ZNF397: variants seen among roughly 807,000 people sequenced by gnomAD.
ZNF397 encodes zinc finger protein 397.
ZNF397 carries 38 observed loss-of-function variants against 50.6 expected under a neutral mutation model. The ratio of observed to expected loss-of-function variants is 0.75; its 90% CI spans 0.58 to 0.98. The LOEUF (loss-of-function observed/expected upper bound fraction) is 0.98. ZNF397 is among the 50% of genes least tolerant of loss of function. The pLI is 0.00. For synonymous variants in ZNF397, 228 were observed against 215.2 expected (o/e 1.06, Z -0.52); for missense variants, 624 against 624.1 (o/e 1.00, Z 0.00).
In ZNF397 at chr18:35,242,836, G is replaced by C; in HGVS notation, c.366G>C (p.Val122=). ...QHNPESGEEA[V]TLLEDLEREF... is the part of the protein sequence containing the mutation. ...ATCCAGAAAGCGGCGAGGAAGCTGT[G>C]ACCCTGTTGGAGGATTTAGAGAGGG... The change falls in exon 2 of 4, where the codon GTG becomes GTC. Residue 122 remains valine (V), a synonymous_variant. Coordinates refer to ENST00000330501, the MANE Select transcript of ZNF397 (RefSeq NM_001135178.3). 6.2e-7 allele frequency: 1 copy of C among 1,613,918 alleles called. No homozygotes were observed. Among genetic ancestry groups the C allele is most frequent in the Non-Finnish European group, 8.5e-7 (1 of 1,179,884 alleles).
chr18:35,255,412 T>C lies in ZNF397; in HGVS notation c.817+1010T>C, dbSNP rs1401230041. Reference sequence around the variant, plus strand: ...AAAAGCCCTCTAAATGTATATGCATTTTACATATCAGGAAACTGAGGCTCA... The same window carrying C: ...AAAAGCCCTCTAAATGTATATGCATCTTACATATCAGGAAACTGAGGCTCA... On this transcript the variant is annotated intron_variant, in intron 5 of 5. Coordinates refer to the ZNF397 transcript ENST00000261333. Among the ~76,000 whole-genome samples the C allele has an allele frequency of 8.5e-5, 13 of 152,078 alleles. No individual in the cohort carries two copies. In the South Asian group the frequency reaches 2.7e-3, roughly 32 times the overall value.
At chr18:35,245,136 G>GA (rs557723421) in intron 3 of ZNF397, 126 bp from the exon 4 acceptor site, 64 of 1,292,796 alleles carry the variant, frequency 5.0e-5, no homozygotes, top group Admixed American at 1.6e-4. Flanking sequence ...TTGGCCAGTT[G>GA]AAAAAAAAGA....
downstream of ZNF397, chr18:35,254,238 C>A: frequency 1.2e-6 from 2 of 1,614,122 alleles, no homozygotes; most frequent in Non-Finnish European, 1.7e-6. Context: ...TTAGAGTTGT[C>A]CAGACCTCCC....
intron 5 of ZNF397, chr18:35,257,383 A>C (rs947055753): frequency 1.3e-5 from 2 of 152,884 alleles, no homozygotes; most frequent in African/African-American, 4.8e-5. Context: ...TCATATGTTG[A>C]AGTCCTAACC....
chr18:35,242,066 A>G (rs1216105070), intron 1 of ZNF397, among the ~76,000 whole-genome samples: 2 of 152,230 alleles, frequency 1.3e-5, no homozygotes, highest in African/African-American at 2.4e-5. Flanking sequence ...CATACATGTT[A>G]AAGATAGACT....
chr18:35,254,682 G>C (rs550150650), downstream of ZNF397: 19 of 461,564 alleles, frequency 4.1e-5, no homozygotes, highest in South Asian at 4.0e-4. Context: ...AGGAAGCTAG[G>C]AGACAATCTT....
Position 35,248,135 on chromosome 18 carries a change from A to G in ZNF397, c.*1825A>G, listed in dbSNP as rs2143614005. ...TGTTGTACAGGTTAACCAGCAACAC[A>G]AAGACATATTCAAAAGACCTAATAG... On this transcript the variant is annotated 3_prime_UTR_variant, in exon 4 of 4. Coordinates refer to ENST00000330501, the MANE Select transcript of ZNF397 (RefSeq NM_001135178.3). 1 of 152,372 alleles carries G rather than the reference A, an allele frequency of 6.6e-6. No homozygotes were observed. Among genetic ancestry groups the G allele is most frequent in the Admixed American group, 6.5e-5 (1 of 15,306 alleles). 9.4% of individuals were successfully genotyped at this position (152,372 alleles called of 1,614,324 possible).
intron 3 of ZNF397, chr18:35,244,060 A>C (rs1301985808): frequency 1.3e-5 from 2 of 155,134 alleles, no homozygotes; most frequent in African/African-American, 2.4e-5. Flanking sequence ...TCATGTAAGG[A>C]AGGCAAGAGT....
Position 35,245,254 on chromosome 18 carries a change from T to C in ZNF397, c.557-8T>C, listed in dbSNP as rs1165314862. Reference sequence around the variant, plus strand: ...TAATATCTGTTTTTTTGCTACTTATTGTTTCAGATTGTGAGAACAGTGAAA... The same window carrying C: ...TAATATCTGTTTTTTTGCTACTTATCGTTTCAGATTGTGAGAACAGTGAAA... On this transcript the variant is annotated splice_region_variant and splice_polypyrimidine_tract_variant and intron_variant, in intron 3 of 3. Coordinates refer to ENST00000330501, the MANE Select transcript of ZNF397 (RefSeq NM_001135178.3). 17 of 1,574,310 alleles carry C rather than the reference T, an allele frequency of 1.1e-5. No individual in the cohort carries two copies. The highest frequency in any genetic ancestry group is 1.5e-5 in the Non-Finnish European group (17 of 1,159,850).
Position 35,246,647 on chromosome 18 carries a change from T to A in ZNF397, c.*337T>A. 1 of 1,049,572 alleles carries A rather than the reference T, an allele frequency of 9.5e-7. No individual in the cohort carries two copies. Among genetic ancestry groups the A allele is most frequent in the Non-Finnish European group, 1.1e-6 (1 of 870,252 alleles). The allele number at this position is 1,049,572 out of a possible 1,614,324, so 65.0% of individuals were successfully genotyped here. On this transcript the variant is annotated 3_prime_UTR_variant, in exon 4 of 4. Transcript: ENST00000330501. ...CCCAGGCTCTGTCACTGCATCTGAT[T>A]GTTAGTGTGCCAGGTTATGGGGCTG... is the stretch of plus-strand genomic sequence containing the variant.
intron 2 of ZNF397, 68 bp downstream of exon 2, chr18:35,242,952 A>G (rs573426145): frequency 1.3e-6 from 2 of 1,530,636 alleles, no homozygotes; most frequent in African/African-American, 1.4e-5. Flanking sequence ...GTATCATAAC[A>G]GTAGGATAAA....
At chr18:35,255,379 A>G (rs2043768287) in intron 5 of ZNF397, among the ~76,000 whole-genome samples, 4 of 152,008 alleles carry the variant, frequency 2.6e-5, no homozygotes, top group Admixed American at 2.0e-4. Context: ...TGAAAAATAC[A>G]TCTTCCCAAA....
chr18:35,253,830 T>C (rs1210799007), downstream of ZNF397: 1 of 1,614,228 alleles, frequency 6.2e-7, no homozygotes, highest in Middle Eastern at 1.7e-4. Flanking sequence ...AGCTCTGAAC[T>C]GCCCCTGAAG....
In ZNF397 at chr18:35,247,501, A is replaced by G. The variant is rs919363218; in HGVS notation, c.*1191A>G. 6.6e-6 allele frequency: 1 copy of G among 152,156 alleles called. No homozygotes were observed. Among genetic ancestry groups the G allele is most frequent in the Non-Finnish European group, 1.5e-5 (1 of 68,048 alleles). The allele number at this position is 152,156 out of a possible 1,614,324, so 9.4% of individuals were successfully genotyped here. ...CCAACGCTCTGGATCAGAAGCTGCC[A>G]TATCATTTGTTTCTGGGGCTATACG... On this transcript the variant is annotated 3_prime_UTR_variant, in exon 4 of 4. Transcript: ENST00000330501.
rs564674918 is a variant in ZNF397 at position 35,255,287 on chromosome 18, A to G, written c.817+885A>G. ...AACAGAAGGCTACTAGAGATGGGGCATATTATGTCAGCCATCTACTAGTTA... is the reference window on the plus strand; with the variant it reads ...AACAGAAGGCTACTAGAGATGGGGCGTATTATGTCAGCCATCTACTAGTTA... On this transcript the variant is annotated intron_variant, in intron 5 of 5. Transcript: ENST00000261333. Among the ~76,000 whole-genome samples, 56 of 151,694 alleles carry G rather than the reference A, an allele frequency of 3.7e-4. 1 individual carries two copies. Among genetic ancestry groups the G allele is most frequent in the African/African-American group, 1.4e-3 (56 of 41,468 alleles).
Position 35,242,794 on chromosome 18 carries a change from C to T in ZNF397, c.324C>T (p.Ile108=), listed in dbSNP as rs1244944368. ...FLSILPEELQ[I]WVQQHNPESG... Reference sequence around the variant, plus strand: ...GCATTCTGCCTGAGGAGCTGCAGATCTGGGTTCAGCAACATAATCCAGAAA... The same window carrying T: ...GCATTCTGCCTGAGGAGCTGCAGATTTGGGTTCAGCAACATAATCCAGAAA... Residue 108 remains isoleucine, a synonymous_variant, in exon 2 of 4, where the codon ATC becomes ATT. Coordinates refer to ENST00000330501, the MANE Select transcript of ZNF397 (RefSeq NM_001135178.3). 1.2e-6 allele frequency: 2 copies of T among 1,614,154 alleles called. No homozygotes were observed. The highest frequency in any genetic ancestry group is 1.7e-4 in the Middle Eastern group (1 of 6,054).
At chr18:35,254,288 G>A, downstream of ZNF397, 1 of 1,614,082 alleles carries the variant, frequency 6.2e-7, no homozygotes, top group Non-Finnish European at 8.5e-7. Context: ...TGTTTCTCCA[G>A]GAAGTTTTCC....
Position 35,245,244 on chromosome 18 carries a change from TGCTAC to T in ZNF397, c.557-17_557-13del. On this transcript the variant is annotated splice_polypyrimidine_tract_variant and intron_variant, in intron 3 of 3. Coordinates refer to ENST00000330501, the MANE Select transcript of ZNF397 (RefSeq NM_001135178.3). ...AAGAGAAATGTAATATCTGTTTTTT[TGCTAC>T]TTATTGTTTCAGATTGTGAGAACAG... 6.4e-7 allele frequency: 1 copy of T among 1,562,860 alleles called. No homozygotes were observed. The highest frequency in any genetic ancestry group is 8.7e-7 in the Non-Finnish European group (1 of 1,155,076).
chr18:35,253,798 G>A, downstream of ZNF397: 1 of 1,614,192 alleles, frequency 6.2e-7, no homozygotes, highest in Non-Finnish European at 8.5e-7. Flanking sequence ...TCTCTCCAGT[G>A]TGGATTCTCC....
Sources: allele counts gnomAD v4.1 joint callset (sites outside exome capture counted in the v4.1 genomes callset), GRCh38; gene constraint gnomAD v4.1.1; transcripts MANE v1.5; gene names NCBI Gene and HGNC (gene_info 2026-07-23, HGNC 2026-07-21).